GRM8: variants seen among roughly 807,000 people sequenced by gnomAD.
The protein encoded by GRM8 is glutamate metabotropic receptor 8.
A neutral mutation model predicts 87.2 loss-of-function variants in GRM8; 47 were observed. The ratio of observed to expected loss-of-function variants is 0.54; its 90% CI spans 0.43 to 0.69. GRM8 has a LOEUF of 0.69. GRM8 is among the 30% of genes least tolerant of loss of function. GRM8 has a pLI of 0.00. For synonymous variants in GRM8, 396 were observed against 404.5 expected, an observed-to-expected ratio of 0.98 and a Z score of 0.25; for missense variants, 1,019 against 1,139.2, an observed-to-expected ratio of 0.89 and a Z score of 1.52.
intron 9 of GRM8, among the ~76,000 whole-genome samples, chr7:126,456,466 C>CT (rs909060680): frequency 2.1e-4 from 27 of 126,250 alleles, no homozygotes; most frequent in Middle Eastern, 4.9e-3. Context: ...TATTTTATAC[C>CT]TTTTTTTTCC....
chr7:126,922,184 C>A (rs1206310310), intron 3 of GRM8, among the ~76,000 whole-genome samples: 1 of 151,984 alleles, frequency 6.6e-6, no homozygotes, highest in Non-Finnish European at 1.5e-5. Context: ...TCAGGAAAAA[C>A]AAAATGTTTA....
intron 9 of GRM8, among the ~76,000 whole-genome samples, chr7:126,499,200 ATT>A (rs532153147): frequency 2.7e-5 from 4 of 146,530 alleles, no homozygotes; most frequent in African/African-American, 9.9e-5. Context: ...TGCAAACTAC[ATT>A]TTTTTTTTTA....
intron 7 of GRM8, among the ~76,000 whole-genome samples, chr7:126,721,909 C>T (rs1454361182): frequency 6.6e-6 from 1 of 151,864 alleles, no homozygotes; most frequent in East Asian, 1.9e-4. Context: ...TTGTTGTTTG[C>T]TTTTTTGAAG....
At chr7:126,957,499 A>T (rs1349954443) in intron 3 of GRM8, among the ~76,000 whole-genome samples, 1 of 151,780 alleles carries the variant, frequency 6.6e-6, no homozygotes, top group Non-Finnish European at 1.5e-5. Context: ...GTACCCCACG[A>T]CCCCCGCAGG....
chr7:126,986,613 C>T (rs1812098883), intron 3 of GRM8, among the ~76,000 whole-genome samples: 1 of 152,064 alleles, frequency 6.6e-6, no homozygotes, highest in African/African-American at 2.4e-5. Flanking sequence ...TATTAATATA[C>T]ACAAATGTAT....
intron 3 of GRM8, among the ~76,000 whole-genome samples, chr7:126,925,385 A>G (rs1254314854): frequency 6.6e-6 from 1 of 152,214 alleles, no homozygotes; most frequent in Admixed American, 6.5e-5. Flanking sequence ...TAACTCTTCT[A>G]AATTGGGAAG....
chr7:126,964,270 A>T (rs1809614613), intron 3 of GRM8, among the ~76,000 whole-genome samples: 2 of 152,164 alleles, frequency 1.3e-5, no homozygotes, highest in Non-Finnish European at 2.9e-5. Flanking sequence ...AGACTTCATG[A>T]CTAAAACACC....
chr7:126,776,155 TA>T (rs1252937788), intron 6 of GRM8, among the ~76,000 whole-genome samples: 1 of 152,208 alleles, frequency 6.6e-6, no homozygotes, highest in Non-Finnish European at 1.5e-5. Flanking sequence ...TATTTAAAAT[TA>T]TTGCTGAGAA....
chr7:126,565,167 T>A (rs1329057202), intron 8 of GRM8, among the ~76,000 whole-genome samples: 3 of 152,126 alleles, frequency 2.0e-5, no homozygotes, highest in Admixed American at 2.0e-4. Context: ...GCACTTCTAT[T>A]CAACGTGGTA....
intron 2 of GRM8, among the ~76,000 whole-genome samples, chr7:127,227,217 G>A (rs950439258): frequency 3.9e-5 from 6 of 152,144 alleles, no homozygotes; most frequent in Non-Finnish European, 7.4e-5. Flanking sequence ...TGGATAAGTC[G>A]GGCTGCCGAC....
At chr7:127,137,166 A>C (rs1030091074) in intron 2 of GRM8, among the ~76,000 whole-genome samples, 1 of 151,348 alleles carries the variant, frequency 6.6e-6, no homozygotes, top group South Asian at 2.1e-4. Flanking sequence ...AGATAAAAGC[A>C]GGACTGTTCT....
rs1332276592 is a variant in GRM8, at chr7:126,813,742, G to C, written c.1157-43677C>G. The stretch of plus-strand genomic sequence containing the variant: ...AACTTGTATGCCTATTTTCAGGATC[G>C]GTTGAAACATTTCCTTGCTGAAAAG... On this transcript the variant is annotated intron_variant, in intron 6 of 10. Transcript: ENST00000339582. 2.6e-5 allele frequency among the ~76,000 whole-genome samples: 4 copies of C among 151,930 alleles called. No homozygotes were observed. In the East Asian group the frequency reaches 7.7e-4, roughly 29 times the overall value.
intron 7 of GRM8, among the ~76,000 whole-genome samples, chr7:126,638,358 C>T (rs1802058528): frequency 6.6e-6 from 1 of 151,450 alleles, no homozygotes; most frequent in African/African-American, 2.5e-5. Context: ...GAGAAATTCC[C>T]ACTATTAGCA....
intron 8 of GRM8, among the ~76,000 whole-genome samples, chr7:126,538,814 T>C (rs1816173689): frequency 6.6e-6 from 1 of 152,058 alleles, no homozygotes; most frequent in Non-Finnish European, 1.5e-5. Flanking sequence ...CTTAAAATTT[T>C]AAACTTTAGT....
At chr7:127,053,797 A>AGGG (rs1563456930) in intron 3 of GRM8, among the ~76,000 whole-genome samples, 2 of 55,094 alleles carry the variant, frequency 3.6e-5, no homozygotes, top group South Asian at 5.9e-4. Context: ...CAAAAAAAAA[A>AGGG]AGGGGGGGGG....
intron 7 of GRM8, among the ~76,000 whole-genome samples, chr7:126,767,858 C>A (rs193158905): frequency 3.3e-5 from 5 of 152,172 alleles, no homozygotes; most frequent in Admixed American, 6.6e-5. Context: ...CCAGCAAAAT[C>A]AATCTCCAAA....
chr7:126,916,566 G>A (rs565902226), intron 3 of GRM8, among the ~76,000 whole-genome samples: 30 of 152,236 alleles, frequency 2.0e-4, no homozygotes, highest in African/African-American at 7.0e-4. Context: ...TAATCTATGT[G>A]CACTCTTCTA....
At chr7:126,691,354 A>T (rs377480724) in intron 7 of GRM8, among the ~76,000 whole-genome samples, 31 of 152,314 alleles carry the variant, frequency 2.0e-4, no homozygotes, top group African/African-American at 6.5e-4. Flanking sequence ...GGGAGAGGCC[A>T]GGCAGAGGGA....
At position 127,242,799 on chromosome 7, in the gene GRM8, C is replaced by T. The variant is rs751302482; in HGVS notation, c.406G>A (p.Gly136Arg). ...GGCTTGGTGAAAATGGGTGGATCTC[C>T]ATTAGCACACTTCACATCCGAAGCA... The part of the protein sequence containing the change: ...KDASDVKCAN[G>R]DPPIFTKPDK... Residue 136 changes from glycine to arginine, a missense_variant, in exon 2 of 11, where the codon GGA (glycine) becomes AGA (arginine). By Grantham distance (125) the Gly-to-Arg change is moderately radical. Transcript: ENST00000339582. 1.7e-5 allele frequency: 28 copies of T among 1,613,998 alleles called. No individual in the cohort carries two copies. In the East Asian group the frequency reaches 5.1e-4, roughly 30 times the overall value.
Sources: gnomAD v4.1 joint callset for allele counts (sites outside exome capture counted in the v4.1 genomes callset) on GRCh38, gnomAD v4.1.1 for gene constraint, MANE v1.5 for transcripts, NCBI Gene and HGNC (gene_info 2026-07-23, HGNC 2026-07-21) for gene names.